The following CTNNA2 variants were observed in gnomAD, a reference collection of about 807,000 sequenced individuals.
The protein encoded by CTNNA2 is catenin alpha-2.
CTNNA2 carries 42 observed loss-of-function variants against 101.0 expected under a neutral mutation model. That is an observed-to-expected ratio of 0.42 (90% CI 0.32 to 0.54). The LOEUF is 0.54. Among genes scored for constraint, CTNNA2 ranks in the 20% least tolerant of loss-of-function variants. The pLI is 0.14. For synonymous variants in CTNNA2, 450 were observed against 456.4 expected (o/e 0.99, Z 0.18); for missense variants, 871 against 1,223.1 (o/e 0.71, Z 4.29).
intron 7 of CTNNA2, among the ~76,000 whole-genome samples, chr2:80,116,389 A>T (rs1701523391): frequency 6.6e-6 from 1 of 152,048 alleles, no homozygotes; most frequent in Non-Finnish European, 1.5e-5. Context: ...AAAAAAAAAA[A>T]AAAAAGAACG....
intron 2 of CTNNA2, among the ~76,000 whole-genome samples, chr2:79,235,928 C>T (rs560473774): frequency 3.4e-4 from 52 of 152,124 alleles, no homozygotes; most frequent in South Asian, 2.3e-3. Context: ...GGCAACAGGA[C>T]GCTACCCCAC....
At chr2:80,136,807 G>T (rs578122680) in intron 7 of CTNNA2, among the ~76,000 whole-genome samples, 6 of 152,236 alleles carry the variant, frequency 3.9e-5, no homozygotes, top group African/African-American at 1.2e-4. Context: ...CATTTAAGAG[G>T]TAATAAAGTC....
intron 1 of CTNNA2, among the ~76,000 whole-genome samples, chr2:79,593,791 A>G (rs958323264): frequency 6.6e-6 from 1 of 151,952 alleles, no homozygotes; most frequent in Non-Finnish European, 1.5e-5. Flanking sequence ...AACACTTCCT[A>G]AAAAACGATC....
At chr2:80,503,571 G>A (rs983728025) in intron 9 of CTNNA2, among the ~76,000 whole-genome samples, 1 of 152,110 alleles carries the variant, frequency 6.6e-6, no homozygotes, top group African/African-American at 2.4e-5. Context: ...ATTCCCTCTT[G>A]AAAAACAAAC....
At chr2:79,877,398 T>A (rs1683108555) in intron 6 of CTNNA2, among the ~76,000 whole-genome samples, 1 of 152,192 alleles carries the variant, frequency 6.6e-6, no homozygotes, top group South Asian at 2.1e-4. Flanking sequence ...GCTGTAGATT[T>A]TCCATCACTT....
At chr2:79,764,341 A>T (rs1249180509) in intron 3 of CTNNA2, among the ~76,000 whole-genome samples, 3 of 152,226 alleles carry the variant, frequency 2.0e-5, no homozygotes, top group African/African-American at 7.2e-5. Flanking sequence ...TGCCAATTAT[A>T]CAAAACTATA....
At position 80,137,841 on chromosome 2, in the gene CTNNA2, A is replaced by G. The variant is rs76116263; in HGVS notation, c.1056+228044A>G. Among the ~76,000 whole-genome samples, 110 of 152,168 alleles carry G rather than the reference A, an allele frequency of 7.2e-4. No homozygotes were observed. In the East Asian group the frequency reaches 0.02, roughly 28 times the overall value. ...GATCATTCCATTGTTGGGATTTTAA[A>G]CAACAAAGTATTGTGAATAGAGTGT... On this transcript the variant is annotated intron_variant, in intron 7 of 18. Transcript: ENST00000402739.
chr2:80,099,035 C>T (rs1700366369), intron 7 of CTNNA2, among the ~76,000 whole-genome samples: 1 of 151,906 alleles, frequency 6.6e-6, no homozygotes, highest in South Asian at 2.1e-4. Flanking sequence ...TCCGGCACTC[C>T]CCAGTGAGAT....
At chr2:80,567,062 A>G (rs1179345153) in intron 12 of CTNNA2, among the ~76,000 whole-genome samples, 5 of 152,164 alleles carry the variant, frequency 3.3e-5, no homozygotes, top group Non-Finnish European at 7.3e-5. Context: ...ATAAATACAT[A>G]TGGAAATGAA....
At chr2:79,860,546 G>GTTTTTTTGTT (rs1681521663) in intron 4 of CTNNA2, among the ~76,000 whole-genome samples, 1 of 107,180 alleles carries the variant, frequency 9.3e-6, no homozygotes, top group Non-Finnish European at 1.7e-5. Flanking sequence ...AGTAAGGGAA[G>GTTTTTTTGTT]TTTTTTTTTT....
At chr2:79,593,436 T>G (rs1676988601) in intron 1 of CTNNA2, among the ~76,000 whole-genome samples, 1 of 152,218 alleles carries the variant, frequency 6.6e-6, no homozygotes, top group Admixed American at 6.5e-5. Flanking sequence ...TTTCTAAGCT[T>G]TACATTTCCG....
At chr2:80,373,274 G>A (rs1451547563) in intron 7 of CTNNA2, among the ~76,000 whole-genome samples, 1 of 152,162 alleles carries the variant, frequency 6.6e-6, no homozygotes, top group Non-Finnish European at 1.5e-5. Context: ...AGCTTTGCAT[G>A]TATTTCTTCA....
intron 7 of CTNNA2, among the ~76,000 whole-genome samples, chr2:80,338,952 C>CTGA (rs1671992366): frequency 6.6e-6 from 1 of 152,154 alleles, no homozygotes; most frequent in Admixed American, 6.5e-5. Flanking sequence ...TTTTCTATCC[C>CTGA]TGATTACAAT....
chr2:79,931,721 C>T (rs1224349549), intron 7 of CTNNA2, among the ~76,000 whole-genome samples: 1 of 152,106 alleles, frequency 6.6e-6, no homozygotes, highest in Non-Finnish European at 1.5e-5. Context: ...CTCGTTTCAC[C>T]TTTCAGTTGG....
At chr2:79,280,646 T>TGTGTGTGTGTGTGG (rs1452812035) in intron 2 of CTNNA2, among the ~76,000 whole-genome samples, 2 of 136,024 alleles carry the variant, frequency 1.5e-5, no homozygotes, top group African/African-American at 5.8e-5. Context: ...TGTGTGTGTG[T>TGTGTGTGTGTGTGG]GTGTGTGTGT....
In CTNNA2 at chr2:79,935,151, C is replaced by T. The variant is rs947310206; in HGVS notation, c.1056+25354C>T. 5.9e-5 allele frequency among the ~76,000 whole-genome samples: 9 copies of T among 152,238 alleles called. No homozygotes were observed. In the East Asian group the frequency reaches 9.6e-4, roughly 16 times the overall value. The stretch of plus-strand genomic sequence containing the variant: ...TACTGACAGGCTATTCTCTGCCAGC[C>T]GTGGTGTTAGGTGCTTTGCACTTAT... On this transcript the variant is annotated intron_variant, in intron 7 of 18. Coordinates refer to ENST00000402739, the MANE Select transcript of CTNNA2 (RefSeq NM_001282597.3).
At chr2:79,473,712 A>T (rs559898768) in intron 4 of CTNNA2, among the ~76,000 whole-genome samples, 1 of 152,338 alleles carries the variant, frequency 6.6e-6, no homozygotes, top group Non-Finnish European at 1.5e-5. Context: ...AGGAATGAGA[A>T]ATGTCATCAT....
At chr2:79,330,175 G>GT (rs1676839390) in intron 3 of CTNNA2, among the ~76,000 whole-genome samples, 1 of 152,152 alleles carries the variant, frequency 6.6e-6, no homozygotes, top group Non-Finnish European at 1.5e-5. Context: ...TCCACACTGA[G>GT]ACAGGAGAAC....
intron 3 of CTNNA2, chr2:79,340,252 A>G (rs539464353): frequency 6.6e-6 from 1 of 152,208 alleles, no homozygotes; most frequent in Admixed American, 6.5e-5. Context: ...ACAACAACAA[A>G]AAAACACTTT....
Sources: gnomAD v4.1 joint callset for allele counts (sites outside exome capture counted in the v4.1 genomes callset) on GRCh38, gnomAD v4.1.1 for gene constraint, MANE v1.5 for transcripts, NCBI Gene and HGNC (gene_info 2026-07-23, HGNC 2026-07-21) for gene names.